AKAP9: variants seen among roughly 807,000 people sequenced by gnomAD.
The protein encoded by AKAP9 is A-kinase anchoring protein 9, also known as A-kinase anchor protein 9.
A neutral mutation model predicts 488.5 loss-of-function variants in AKAP9; 311 were observed. The observed-to-expected ratio is 0.64, with a 90% CI of 0.58 to 0.70. AKAP9 has a LOEUF of 0.70. Among genes scored for constraint, AKAP9 ranks in the 30% least tolerant of loss-of-function variants. AKAP9 has a pLI of 0.00. For missense variants in AKAP9, 4,215 were observed against 4,374.5 expected, an observed-to-expected ratio of 0.96 and a Z score of 1.03; for synonymous variants, 1,462 against 1,483.5, an observed-to-expected ratio of 0.99 and a Z score of 0.33.
At chr7:92,022,485 T>C (rs1036185384) in intron 13 of AKAP9, 133 bp downstream of exon 13, 94 of 689,000 alleles carry the variant, frequency 1.4e-4, no homozygotes, top group Non-Finnish European at 6.9e-5. Flanking sequence ...CTCAATTTTT[T>C]CATCCTTAAA....
intron 38 of AKAP9, chr7:92,091,981 G>T (rs1368484241): frequency 6.6e-6 from 1 of 152,100 alleles, no homozygotes; most frequent in Non-Finnish European, 1.5e-5. Context: ...TTTCTTATTA[G>T]AGTAGTATAG....
chr7:92,097,382 T>C (rs1224019697), intron 41 of AKAP9, 25 bp downstream of exon 41: 1 of 1,608,772 alleles, frequency 6.2e-7, no homozygotes, highest in Admixed American at 1.7e-5. Flanking sequence ...TCTTTTTAGA[T>C]ATTTTTAAGG....
rs779280501 is a variant in AKAP9 at position 92,079,354 on chromosome 7, A to C, written c.7221A>C (p.Glu2407Asp). 1 of 1,614,078 alleles carries C rather than the reference A, an allele frequency of 6.2e-7. No homozygotes were observed. Among genetic ancestry groups the C allele is most frequent in the Non-Finnish European group, 8.5e-7 (1 of 1,180,002 alleles). Residue 2407 changes from glutamate (E) to aspartate (D), a missense_variant, in exon 31 of 50, where the codon GAA becomes GAC. By Grantham distance (45) the Glu-to-Asp change is conservative (BLOSUM62 2). This residue lies in a region of AKAP9 where 1,476 missense variants were observed against 1,477.4 expected (regional missense o/e 1.00). Coordinates refer to ENST00000356239, the MANE Select transcript of AKAP9 (RefSeq NM_005751.5). Reference protein sequence around the residue: ...ALEQQVETANEEMTFMKNVLK... With the variant: ...ALEQQVETANDEMTFMKNVLK... Reference sequence around the variant, plus strand: ...AACAGCAAGTAGAAACCGCTAATGAAGAAATGACCTTCATGAAAAATGTAC... The same window carrying C: ...AACAGCAAGTAGAAACCGCTAATGACGAAATGACCTTCATGAAAAATGTAC...
At position 92,061,371 on chromosome 7, in the gene AKAP9, G is replaced by A; in HGVS notation, c.5713G>A (p.Glu1905Lys). 1.9e-6 allele frequency: 3 copies of A among 1,613,028 alleles called. No homozygotes were observed. Among genetic ancestry groups the A allele is most frequent in the Non-Finnish European group, 2.5e-6 (3 of 1,179,468 alleles). ...AGAGGAACTTCGAGAGCGCCTTCAT[G>A]AGGAGTCCAGGGCCAGAGAACAGCT... ...CQEELRERLH[E>K]ESRAREQLAV... is the part of the protein sequence containing the mutation. The change falls in exon 23 of 50, where the codon GAG (glutamate) becomes AAG (lysine). Residue 1905 changes from glutamate to lysine, a missense_variant. Coordinates refer to ENST00000356239, the MANE Select transcript of AKAP9 (RefSeq NM_005751.5).
At chr7:92,080,888 A>G (rs961353262) in intron 31 of AKAP9, among the ~76,000 whole-genome samples, 1 of 152,144 alleles carries the variant, frequency 6.6e-6, no homozygotes, top group Non-Finnish European at 1.5e-5. Flanking sequence ...ATACGTTTTC[A>G]GTTTGCTTAC....
rs765756999 is a variant in AKAP9, at chr7:91,973,766, A to C, written c.104A>C (p.Lys35Thr). The C allele has an allele frequency of 6.2e-7, 1 of 1,614,096 alleles. No homozygotes were observed. Among genetic ancestry groups the C allele is most frequent in the East Asian group, 2.2e-5 (1 of 44,852 alleles). The change falls in exon 2 of 50, where the codon AAG becomes ACG. Residue 35 changes from lysine to threonine, a missense_variant. Around this residue, in one of 5 missense-constraint regions of AKAP9, gnomAD observed 2,361 missense variants for 2,430.0 expected, o/e 0.97. Coordinates refer to ENST00000356239, the MANE Select transcript of AKAP9 (RefSeq NM_005751.5). ...TCGGATGGGCAGAGTCCTTCCAAGA[A>C]GCAGAAAAAAAAGAGAAAAACGTCA... ...AQSDGQSPSK[K>T]QKKKRKTSSS...
At position 92,065,340 on chromosome 7, in the gene AKAP9, T is replaced by A. The variant is rs771793410; in HGVS notation, c.6087T>A (p.Asp2029Glu). The change falls in exon 25 of 50, where the codon GAT (aspartate) becomes GAA (glutamate). Residue 2029 changes from aspartate (D) to glutamate (E), a missense_variant. Asp to Glu is a conservative substitution (Grantham distance 45, BLOSUM62 2). Around this residue, in one of 5 missense-constraint regions of AKAP9, gnomAD observed 2,361 missense variants for 2,430.0 expected, o/e 0.97. Coordinates refer to ENST00000356239, the MANE Select transcript of AKAP9 (RefSeq NM_005751.5). ...LQKQVKALEIDVEEQVSRFIE... is the reference protein window; with the variant it reads ...LQKQVKALEIEVEEQVSRFIE... ...AACAAGTGAAAGCTCTAGAAATAGA[T>A]GTGGAAGAACAAGTCAGTAGGTTTA... The A allele has an allele frequency of 1.2e-6, 2 of 1,612,874 alleles. No individual in the cohort carries two copies. Among genetic ancestry groups the A allele is most frequent in the South Asian group, 2.2e-5 (2 of 91,050 alleles).
intron 10 of AKAP9, 128 bp downstream of exon 10, chr7:92,014,456 C>T (rs1801224672): frequency 2.9e-6 from 2 of 690,852 alleles, no homozygotes; most frequent in East Asian, 2.9e-5. Flanking sequence ...GGTGAAACCC[C>T]GTCTCTACCA....
At chr7:92,015,589 C>G (rs369880638) in intron 10 of AKAP9, among the ~76,000 whole-genome samples, 5 of 152,132 alleles carry the variant, frequency 3.3e-5, no homozygotes, top group African/African-American at 4.8e-5. Context: ...GTCTTGAACT[C>G]CTGACCTCAG....
chr7:91,950,360 G>A (rs955856377), intron 1 of AKAP9, among the ~76,000 whole-genome samples: 3 of 151,632 alleles, frequency 2.0e-5, no homozygotes, highest in African/African-American at 7.3e-5. Flanking sequence ...CTCCCCAGCA[G>A]CTGGGACCAC....
rs1584549785 is a variant in AKAP9, at chr7:92,098,206, G to A, written c.10705G>A (p.Gly3569Ser). 3 of 1,592,836 alleles carry A rather than the reference G, an allele frequency of 1.9e-6. No homozygotes were observed. The highest frequency in any genetic ancestry group is 2.6e-6 in the Non-Finnish European group (3 of 1,161,046). ...ACTACAGAAATTAACTGGCCAGCAA[G>A]GTGAAGAGGTAATACTTTTTAAAAG... ...LQLQKLTGQQGEEPSLVSPST... is the reference protein window; with the variant it reads ...LQLQKLTGQQSEEPSLVSPST... Residue 3569 changes from glycine (G) to serine (S), a missense_variant, in exon 43 of 50, where the codon GGT becomes AGT. Physicochemically the swap from Gly to Ser is moderately conservative, Grantham distance 56. This residue lies in a region of AKAP9 where 1,476 missense variants were observed against 1,477.4 expected (regional missense o/e 1.00). Transcript: ENST00000356239.
At chr7:92,080,827 A>G (rs1483970455) in intron 31 of AKAP9, among the ~76,000 whole-genome samples, 1 of 152,166 alleles carries the variant, frequency 6.6e-6, no homozygotes, top group African/African-American at 2.4e-5. Context: ...CAGTCTGCTC[A>G]GTTGACTGCT....
At chr7:92,100,499 A>G (rs184477520) in intron 44 of AKAP9, among the ~76,000 whole-genome samples, 66 of 152,346 alleles carry the variant, frequency 4.3e-4, no homozygotes, top group Admixed American at 1.8e-3. Flanking sequence ...TTATGTACAT[A>G]CTGGCTTGTT....
chr7:92,025,425 C>T (rs929756889), intron 14 of AKAP9, among the ~76,000 whole-genome samples: 2 of 152,188 alleles, frequency 1.3e-5, no homozygotes, highest in African/African-American at 2.4e-5. Context: ...TACTCACCAC[C>T]GTCCTCATTC....
rs1815452006 is a variant in AKAP9 at position 92,090,980 on chromosome 7, G to A, written c.9358+1451G>A. 2.6e-5 allele frequency among the ~76,000 whole-genome samples: 4 copies of A among 152,298 alleles called. No homozygotes were observed. The South Asian group carries it at 8.3e-4, about 32-fold the overall frequency. On this transcript the variant is annotated intron_variant, in intron 38 of 49. Coordinates refer to ENST00000356239, the MANE Select transcript of AKAP9 (RefSeq NM_005751.5). ...CTGTTGCCAATCTGATGGGTGTGCA[G>A]TGGATTCTTATTGTGGTTTTAATTG...
chr7:92,035,712 C>T (rs893166979), intron 16 of AKAP9, among the ~76,000 whole-genome samples: 2 of 152,172 alleles, frequency 1.3e-5, no homozygotes, highest in African/African-American at 4.8e-5. Flanking sequence ...TTTGACTTCC[C>T]TCTGCAGTCT....
At chr7:92,103,218 A>C (rs1264454854) in intron 46 of AKAP9, among the ~76,000 whole-genome samples, 1 of 151,072 alleles carries the variant, frequency 6.6e-6, no homozygotes, top group East Asian at 2.0e-4. Context: ...GTGAAACCCT[A>C]TCTCTACTAA....
chr7:92,098,049 G>T, intron 42 of AKAP9, 60 bp from the exon 43 acceptor site: 1 of 1,126,548 alleles, frequency 8.9e-7, no homozygotes, highest in Non-Finnish European at 1.3e-6. Flanking sequence ...TGTAATGTTT[G>T]TGGTAGTAAA....
intron 1 of AKAP9, among the ~76,000 whole-genome samples, chr7:91,963,784 C>G (rs1416488101): frequency 6.6e-6 from 1 of 152,150 alleles, no homozygotes; most frequent in Non-Finnish European, 1.5e-5. Flanking sequence ...TCCCAAAGTG[C>G]TGGGATTACA....
Sources: allele counts gnomAD v4.1 joint callset (sites outside exome capture counted in the v4.1 genomes callset), GRCh38; gene constraint gnomAD v4.1.1; regional missense constraint gnomAD v4.1.1; transcripts MANE v1.5; gene names NCBI Gene and HGNC (gene_info 2026-07-23, HGNC 2026-07-21).